KSR2: variants seen among roughly 807,000 people sequenced by gnomAD.
The protein encoded by KSR2 is kinase suppressor of ras 2.
KSR2 carries 25 observed loss-of-function variants against 107.8 expected under a neutral mutation model. The ratio of observed to expected loss-of-function variants is 0.23; its 90% CI spans 0.17 to 0.32. The LOEUF (loss-of-function observed/expected upper bound fraction) is 0.32, where lower values mean the gene tolerates loss of function less well. Among genes scored for constraint, KSR2 ranks in the 10% least tolerant of loss-of-function variants. KSR2 has a pLI of 1.00. For missense variants in KSR2, 887 were observed against 1,268.9 expected (o/e 0.70, Z 4.57); for synonymous variants, 480 against 507.0 (o/e 0.95, Z 0.71).
chr12:117,817,906 G>C (rs1342535918), intron 3 of KSR2, among the ~76,000 whole-genome samples: 1 of 152,054 alleles, frequency 6.6e-6, no homozygotes, highest in Admixed American at 6.6e-5. Context: ...TTCAAGACAA[G>C]GCGGGCCAAC....
At chr12:117,613,833 C>G (rs1344286673) in intron 5 of KSR2, among the ~76,000 whole-genome samples, 1 of 152,176 alleles carries the variant, frequency 6.6e-6, no homozygotes, top group Non-Finnish European at 1.5e-5. Context: ...TGTGGTAATG[C>G]ATCATCTTGC....
At chr12:117,530,459 T>G (rs1307396152) in intron 12 of KSR2, among the ~76,000 whole-genome samples, 1 of 152,120 alleles carries the variant, frequency 6.6e-6, no homozygotes, top group Non-Finnish European at 1.5e-5. Context: ...CCAATAAAAC[T>G]TTAAATAAAA....
intron 3 of KSR2, among the ~76,000 whole-genome samples, chr12:117,812,842 C>CAAAAAAAAAAAAAAAAAAAAAAAAAAAA (rs3073170): frequency 6.3e-5 from 6 of 95,560 alleles, no homozygotes; most frequent in South Asian, 4.2e-4. Flanking sequence ...CCCAAATAGC[C>CAAAAAAAAAAAAAAAAAAAAAAAAAAAA]AAAAAAAAAA....
intron 4 of KSR2, among the ~76,000 whole-genome samples, chr12:117,723,141 CAA>C (rs1168706699): frequency 1.3e-5 from 2 of 152,180 alleles, no homozygotes; most frequent in African/African-American, 2.4e-5. Context: ...TCACCATTCA[CAA>C]AGAGATCACT....
intron 5 of KSR2, among the ~76,000 whole-genome samples, chr12:117,629,814 G>A (rs145237861): frequency 5.9e-5 from 9 of 152,316 alleles, no homozygotes; most frequent in African/African-American, 2.2e-4. Context: ...AGTTCAATGA[G>A]AAGTTAAAAT....
chr12:117,967,990 AG>A (rs1310353071), intron 1 of KSR2, 85 bp downstream of exon 1: 2 of 1,237,822 alleles, frequency 1.6e-6, no homozygotes, highest in Non-Finnish European at 2.3e-6. Flanking sequence ...TCAGAGGGAA[AG>A]GGGACCGTGG....
At chr12:117,474,502 C>G (rs1350723967) in intron 17 of KSR2, among the ~76,000 whole-genome samples, 3 of 138,550 alleles carry the variant, frequency 2.2e-5, no homozygotes, top group Non-Finnish European at 4.8e-5. Context: ...GGTGCTAAGT[C>G]TAATTGCACT....
At chr12:117,929,331 T>C (rs566255301) in intron 1 of KSR2, among the ~76,000 whole-genome samples, 151 of 152,300 alleles carry the variant, frequency 9.9e-4, no homozygotes, top group African/African-American at 3.4e-3. Flanking sequence ...TCCCCCATAC[T>C]GTTCTCATGG....
At chr12:117,843,892 G>A (rs889440728) in intron 3 of KSR2, among the ~76,000 whole-genome samples, 2 of 151,646 alleles carry the variant, frequency 1.3e-5, no homozygotes, top group African/African-American at 2.4e-5. Flanking sequence ...CCTATGTCAG[G>A]GTAGGTTCAA....
chr12:117,726,419 TA>T (rs1565981271), intron 4 of KSR2, among the ~76,000 whole-genome samples: 4 of 152,102 alleles, frequency 2.6e-5, no homozygotes, highest in African/African-American at 9.7e-5. Context: ...AGCAAGGAGA[TA>T]GGGCGGGATT....
chr12:117,888,548 G>C (rs1330235535), intron 1 of KSR2, among the ~76,000 whole-genome samples: 3 of 152,116 alleles, frequency 2.0e-5, no homozygotes, highest in Non-Finnish European at 4.4e-5. Flanking sequence ...AGACCTGAGG[G>C]TGAAGCCTCC....
intron 4 of KSR2, among the ~76,000 whole-genome samples, chr12:117,688,700 T>C (rs1009375913): frequency 1.3e-5 from 2 of 152,006 alleles, no homozygotes; most frequent in African/African-American, 4.8e-5. Flanking sequence ...AGGTTTCGAG[T>C]GTGCCAGAAG....
rs749207576 is a variant in KSR2, at chr12:117,471,174, C to T, written c.2712+17G>A. 6.2e-7 allele frequency: 1 copy of T among 1,612,938 alleles called. No individual in the cohort carries two copies. Among genetic ancestry groups the T allele is most frequent in the East Asian group, 2.2e-5 (1 of 44,836 alleles). On this transcript the variant is annotated intron_variant, in intron 18 of 19. Transcript: ENST00000339824. ...TCTCCCCTCATCCCCCAAGTCTGGACCTATCTTGGGACTTACCGAGATTTC... is the reference window on the plus strand; with the variant it reads ...TCTCCCCTCATCCCCCAAGTCTGGATCTATCTTGGGACTTACCGAGATTTC...
chr12:117,966,647 A>ACG (rs762883311), intron 1 of KSR2, among the ~76,000 whole-genome samples: 1 of 143,920 alleles, frequency 6.9e-6, no homozygotes, highest in Admixed American at 6.9e-5. Context: ...ACACACACAC[A>ACG]TGCTGTCTCT....
intron 3 of KSR2, among the ~76,000 whole-genome samples, chr12:117,786,892 G>C (rs1305636253): frequency 2.0e-5 from 3 of 152,102 alleles, no homozygotes; most frequent in African/African-American, 7.2e-5. Context: ...GGCCAGGCGT[G>C]GTGTTGCAAG....
Position 117,460,965 on chromosome 12 carries a change from T to G in KSR2, c.*6234A>C, listed in dbSNP as rs1272909958. ...CCACCTGACTCAATGGGTCGCTTCATACGTCACAGATATTAAACCTGGCAA... is the reference window on the plus strand; with the variant it reads ...CCACCTGACTCAATGGGTCGCTTCAGACGTCACAGATATTAAACCTGGCAA... On this transcript the variant is annotated 3_prime_UTR_variant, in exon 20 of 20. Coordinates refer to ENST00000339824, the MANE Select transcript of KSR2 (RefSeq NM_173598.6). The G allele has an allele frequency of 6.6e-6, 1 of 152,324 alleles. No individual in the cohort carries two copies. Among genetic ancestry groups the G allele is most frequent in the African/African-American group, 2.4e-5 (1 of 41,440 alleles). 9.4% of individuals were successfully genotyped at this position (152,324 alleles called of 1,614,324 possible).
At chr12:117,701,772 A>G (rs1455362698) in intron 4 of KSR2, among the ~76,000 whole-genome samples, 1 of 152,168 alleles carries the variant, frequency 6.6e-6, no homozygotes, top group African/African-American at 2.4e-5. Flanking sequence ...CAGAGATTGG[A>G]AGGATTCAGC....
chr12:117,730,505 CCACG>C (rs1326586657), intron 4 of KSR2, among the ~76,000 whole-genome samples: 10 of 151,636 alleles, frequency 6.6e-5, no homozygotes, highest in African/African-American at 1.9e-4. Context: ...TCTCCCCCTT[CCACG>C]GTCTCCCTCT....
intron 3 of KSR2, among the ~76,000 whole-genome samples, chr12:117,794,237 ACT>A (rs1491545857): frequency 1.3e-3 from 111 of 83,840 alleles, no homozygotes; most frequent in Admixed American, 2.1e-3. Context: ...CAACATGCAC[ACT>A]CACACCAACA....
Sources: allele counts gnomAD v4.1 joint callset (sites outside exome capture counted in the v4.1 genomes callset), GRCh38; gene constraint gnomAD v4.1.1; transcripts MANE v1.5; gene names NCBI Gene and HGNC (gene_info 2026-07-23, HGNC 2026-07-21).